The following DENND2C variants were observed in gnomAD, a reference collection of about 807,000 sequenced individuals.
DENND2C encodes DENN domain-containing protein 2C.
In DENND2C, 72 loss-of-function variants were observed where a neutral mutation model predicts 112.4. The observed-to-expected ratio is 0.64, with a 90% CI of 0.53 to 0.78. The LOEUF (loss-of-function observed/expected upper bound fraction) is 0.78. Among genes scored for constraint, DENND2C ranks in the 30% least tolerant of loss-of-function variants. The probability of loss-of-function intolerance (pLI) is 0.00; values close to 1 mark genes in which losing one functional copy is unlikely to be tolerated. For missense variants in DENND2C, 992 were observed against 1,113.8 expected, an observed-to-expected ratio of 0.89 and a Z score of 1.56; for synonymous variants, 329 against 381.6, an observed-to-expected ratio of 0.86 and a Z score of 1.61.
At chr1:114,615,455 CTTTG>C (rs1468003651) in intron 8 of DENND2C, among the ~76,000 whole-genome samples, 3 of 152,166 alleles carry the variant, frequency 2.0e-5, no homozygotes, top group Non-Finnish European at 4.4e-5. Flanking sequence ...GTCTTAGCTT[CTTTG>C]TTTGTAAAAT....
chr1:114,587,906 A>C lies in DENND2C; in HGVS notation c.2478T>G (p.Phe826Leu), dbSNP rs1655084995. 1 of 1,614,166 alleles carries C rather than the reference A, an allele frequency of 6.2e-7. No individual in the cohort carries two copies. The highest frequency in any genetic ancestry group is 8.5e-7 in the Non-Finnish European group (1 of 1,180,028). The part of the protein sequence containing the change: ...SLVSEAFVRF[F>L]VELVGHYSLN... ...AAGAATAATGTCCTACCAACTCCAC[A>C]AAAAACCTGACAAATGCTTCGGACA... is the stretch of plus-strand genomic sequence containing the variant. Residue 826 changes from phenylalanine (F) to leucine (L), a missense_variant, in exon 19 of 21, where the codon TTT (phenylalanine) becomes TTG (leucine). By Grantham distance (22) the Phe-to-Leu change is conservative (BLOSUM62 0). Coordinates refer to ENST00000393274, the MANE Select transcript of DENND2C (RefSeq NM_001256404.2).
chr1:114,622,666 A>G (rs1656197883), intron 6 of DENND2C, among the ~76,000 whole-genome samples: 1 of 152,086 alleles, frequency 6.6e-6, no homozygotes, highest in African/African-American at 2.4e-5. Flanking sequence ...ACATACTTTC[A>G]GGGACTAGGA....
chr1:114,653,023 G>A lies in DENND2C; in HGVS notation c.-317+1482C>T, dbSNP rs974198545. Among the ~76,000 whole-genome samples, 11 of 151,990 alleles carry A rather than the reference G, an allele frequency of 7.2e-5. No individual in the cohort carries two copies. The East Asian group carries it at 9.6e-4, about 13-fold the overall frequency. ...TCTGAATCTTTTCGATCCGTGATTG[G>A]TTGTATCCACAGGTGCAAAATCCAT... On this transcript the variant is annotated intron_variant, in intron 2 of 20. Coordinates refer to ENST00000393274, the MANE Select transcript of DENND2C (RefSeq NM_001256404.2).
chr1:114,590,441 C>T (rs962442468), intron 18 of DENND2C, among the ~76,000 whole-genome samples: 1 of 151,988 alleles, frequency 6.6e-6, no homozygotes, highest in Non-Finnish European at 1.5e-5. Context: ...TGGATATTCA[C>T]CCTGCTTTTA....
intron 2 of DENND2C, among the ~76,000 whole-genome samples, chr1:114,646,559 G>C (rs1656994057): frequency 6.6e-6 from 1 of 152,116 alleles, no homozygotes; most frequent in African/African-American, 2.4e-5. Context: ...ACAGCTAAAA[G>C]TGCACAAACA....
At chr1:114,605,304 G>A (rs968427980) in intron 10 of DENND2C, among the ~76,000 whole-genome samples, 4 of 152,194 alleles carry the variant, frequency 2.6e-5, no homozygotes, top group Non-Finnish European at 5.9e-5. Flanking sequence ...CTGTAAGAGA[G>A]ATTAGTGAAA....
In DENND2C at chr1:114,622,031, G is replaced by A. The variant is rs754541111; in HGVS notation, c.1091C>T (p.Thr364Ile). The A allele has an allele frequency of 1.3e-6, 2 of 1,548,162 alleles. No homozygotes were observed. The highest frequency in any genetic ancestry group is 2.4e-5 in the South Asian group (2 of 83,578). The change falls in exon 7 of 21, where the codon ACT (threonine) becomes ATT (isoleucine). Residue 364 changes from threonine (T) to isoleucine (I), a missense_variant. This residue lies in a region of DENND2C where 470 missense variants were observed against 472.7 expected (regional missense o/e 0.99). Transcript: ENST00000393274. ...AGCCTGTGAGTTCTTTACTTCCATA[G>A]TCTTCCGGTGAAGGAACTGAGGTTT... The part of the protein sequence containing the change: ...PPKPQFLHRK[T>I]MEVKNSQAYL...
At chr1:114,636,092 A>G (rs2101676698) in intron 3 of DENND2C, among the ~76,000 whole-genome samples, 1 of 151,474 alleles carries the variant, frequency 6.6e-6, no homozygotes, top group Non-Finnish European at 1.5e-5. Flanking sequence ...CAGAAAGGAT[A>G]CCAGAATGCA....
chr1:114,600,331 G>A lies in DENND2C; in HGVS notation c.1978C>T (p.Leu660=), dbSNP rs1468948362. The A allele has an allele frequency of 5.6e-6, 9 of 1,614,034 alleles. No homozygotes were observed. The South Asian group carries it at 9.9e-5, about 18-fold the overall frequency. ...GDESIELCRP[L]DSRLEHVDFK... ...TCAACATGTTCCAATCGGGAATCTA[G>A]TGGTCGGCAGAGTTCAATGGACTGA... Residue 660 remains leucine (L), a synonymous_variant, in exon 15 of 21, where the codon CTA becomes TTA. Transcript: ENST00000393274.
chr1:114,661,961 T>C (rs184708001), intron 1 of DENND2C, among the ~76,000 whole-genome samples: 5 of 152,332 alleles, frequency 3.3e-5, no homozygotes, highest in Admixed American at 1.3e-4. Context: ...TGCTCAACCC[T>C]GATTTATGTC....
chr1:114,601,381 C>A, intron 13 of DENND2C, 127 bp downstream of exon 13: 1 of 887,324 alleles, frequency 1.1e-6, no homozygotes, highest in Non-Finnish European at 1.7e-6. Flanking sequence ...AAGTTTAAGC[C>A]TTCAGGCACG....
chr1:114,669,204 A>T (rs772801150), intron 1 of DENND2C, among the ~76,000 whole-genome samples: 6 of 152,210 alleles, frequency 3.9e-5, no homozygotes, highest in Non-Finnish European at 8.8e-5. Flanking sequence ...CACAGAATAT[A>T]CACGCTCCAC....
chr1:114,614,409 C>T (rs1054414343), intron 8 of DENND2C, among the ~76,000 whole-genome samples: 13 of 152,028 alleles, frequency 8.6e-5, no homozygotes, highest in African/African-American at 2.4e-4. Flanking sequence ...GCCAGGAGAT[C>T]GTCAGGCATG....
chr1:114,608,291 A>G lies in DENND2C; in HGVS notation c.1557+395T>C, dbSNP rs572691974. On this transcript the variant is annotated intron_variant, in intron 10 of 20. Coordinates refer to ENST00000393274, the MANE Select transcript of DENND2C (RefSeq NM_001256404.2). ...CTAAAAAAAAAAAAGAAAGAAAAAG[A>G]AAAGTAACTGCTTAAAGTCACGGAA... Among the ~76,000 whole-genome samples the G allele has an allele frequency of 1.2e-4, 18 of 152,232 alleles. No homozygotes were observed. In the South Asian group the frequency reaches 2.9e-3, roughly 25 times the overall value.
intron 9 of DENND2C, 32 bp from the exon 10 acceptor site, chr1:114,608,905 C>A (rs761923836): frequency 9.3e-6 from 15 of 1,611,966 alleles, no homozygotes; most frequent in Non-Finnish European, 1.3e-5. Flanking sequence ...ATGTTTTTTT[C>A]TCTGTAGCCC....
rs771477970 is a variant in DENND2C, at chr1:114,608,801, T to A, written c.1442A>T (p.Asp481Val). 1 of 1,614,156 alleles carries A rather than the reference T, an allele frequency of 6.2e-7. No individual in the cohort carries two copies. The highest frequency in any genetic ancestry group is 2.2e-5 in the East Asian group (1 of 44,886). Reference protein sequence around the residue: ...RNPHYQTLERDLIELQEQQLF... With the variant: ...RNPHYQTLERVLIELQEQQLF... The stretch of plus-strand genomic sequence containing the variant: ...CTGCTGCTCCTGTAATTCAATAAGA[T>A]CCCGCTCCAAGGTCTGGTAGTGAGG... The change falls in exon 10 of 21, where the codon GAT (aspartate) becomes GTT (valine). Residue 481 changes from aspartate (D) to valine (V), a missense_variant. Asp to Val is a radical substitution (Grantham distance 152). Around this residue, in one of 3 missense-constraint regions of DENND2C, gnomAD observed 516 missense variants for 623.6 expected, o/e 0.83. Coordinates refer to ENST00000393274, the MANE Select transcript of DENND2C (RefSeq NM_001256404.2).
intron 18 of DENND2C, among the ~76,000 whole-genome samples, chr1:114,593,878 A>G (rs1403019149): frequency 6.6e-6 from 1 of 152,222 alleles, no homozygotes; most frequent in Admixed American, 6.5e-5. Flanking sequence ...AAGATTAAAT[A>G]ATGATACCTG....
At chr1:114,615,483 A>G (rs147684767) in intron 8 of DENND2C, among the ~76,000 whole-genome samples, 23 of 152,272 alleles carry the variant, frequency 1.5e-4, no homozygotes, top group African/African-American at 5.3e-4. Flanking sequence ...AATAGTCCCT[A>G]CCTCCTAGTG....
At position 114,623,547 on chromosome 1, in the gene DENND2C, A is replaced by G. The variant is rs762326527; in HGVS notation, c.903T>C (p.Tyr301=). 14 of 1,611,158 alleles carry G rather than the reference A, an allele frequency of 8.7e-6. No homozygotes were observed. In the African/African-American group the frequency reaches 1.7e-4, roughly 20 times the overall value. The change falls in exon 5 of 21, where the codon TAT becomes TAC. Residue 301 remains tyrosine, a synonymous_variant. Transcript: ENST00000393274. ...AGATATTGTCCTCAGACTGTGTGTA[A>G]TAAAGTGCTGACCCAGAATTTCTTC... The part of the protein sequence containing the change: ...ELGRNSGSAL[Y]YTQSEDNIYE...
Sources: gnomAD v4.1 joint callset for allele counts (sites outside exome capture counted in the v4.1 genomes callset) on GRCh38, gnomAD v4.1.1 for gene constraint, gnomAD v4.1.1 regional missense constraint, MANE v1.5 for transcripts, NCBI Gene and HGNC (gene_info 2026-07-23, HGNC 2026-07-21) for gene names.